The following ZNF804A variants were observed in gnomAD, a reference collection of about 807,000 sequenced individuals.
ZNF804A encodes the protein zinc finger protein 804A.
A neutral mutation model predicts 16.5 loss-of-function variants in ZNF804A; 2 were observed. The observed-to-expected ratio is 0.12, with a 90% CI of 0.05 to 0.38. ZNF804A has a LOEUF of 0.38. ZNF804A is among the 10% of genes least tolerant of loss of function. The pLI is 0.99. For synonymous variants in ZNF804A, 534 were observed against 489.6 expected, an observed-to-expected ratio of 1.09 and a Z score of -1.20; for missense variants, 1,473 against 1,390.7, an observed-to-expected ratio of 1.06 and a Z score of -0.94.
At chr2:184,745,483 A>T (rs1674690145) in intron 1 of ZNF804A, among the ~76,000 whole-genome samples, 1 of 151,618 alleles carries the variant, frequency 6.6e-6, no homozygotes, top group African/African-American at 2.4e-5. Flanking sequence ...CGTTTTACTG[A>T]TGCGGTTTTT....
At chr2:184,635,009 A>G (rs1412017487) in intron 1 of ZNF804A, among the ~76,000 whole-genome samples, 1 of 152,162 alleles carries the variant, frequency 6.6e-6, no homozygotes, top group African/African-American at 2.4e-5. Context: ...CAGAGATTGT[A>G]TCTTTCCTTG....
In ZNF804A at chr2:184,936,597, C is replaced by T; in HGVS notation, c.1201C>T (p.Pro401Ser). Residue 401 changes from proline to serine, a missense_variant, in exon 4 of 4, where the codon CCT (proline) becomes TCT (serine). By Grantham distance (74) the Pro-to-Ser change is moderately conservative (BLOSUM62 -1). Transcript: ENST00000302277. ...ENKNGPETLAPSNTEEVNITI... is the reference protein window; with the variant it reads ...ENKNGPETLASSNTEEVNITI... Reference sequence around the variant, plus strand: ...TAAAAATGGTCCCGAGACATTGGCCCCTTCAAATACTGAAGAGGTTAACAT... The same window carrying T: ...TAAAAATGGTCCCGAGACATTGGCCTCTTCAAATACTGAAGAGGTTAACAT... The T allele has an allele frequency of 6.2e-7, 1 of 1,613,966 alleles. No homozygotes were observed. Among genetic ancestry groups the T allele is most frequent in the Non-Finnish European group, 8.5e-7 (1 of 1,179,914 alleles).
At chr2:184,774,857 A>G (rs1694263661) in intron 1 of ZNF804A, among the ~76,000 whole-genome samples, 1 of 151,674 alleles carries the variant, frequency 6.6e-6, no homozygotes, top group Non-Finnish European at 1.5e-5. Flanking sequence ...CTGGACATCA[A>G]TAATATTATT....
At chr2:184,676,022 T>C (rs1692423555) in intron 1 of ZNF804A, among the ~76,000 whole-genome samples, 1 of 151,766 alleles carries the variant, frequency 6.6e-6, no homozygotes. Context: ...AATATGTATA[T>C]TTATGACTTC....
intron 1 of ZNF804A, among the ~76,000 whole-genome samples, chr2:184,651,716 A>T (rs770082462): frequency 2.6e-5 from 4 of 152,146 alleles, no homozygotes; most frequent in Admixed American, 6.5e-5. Context: ...TCATCAGAAA[A>T]ATGCAAATCA....
intron 1 of ZNF804A, among the ~76,000 whole-genome samples, chr2:184,662,044 A>C (rs1453860916): frequency 6.6e-6 from 1 of 152,214 alleles, no homozygotes; most frequent in Non-Finnish European, 1.5e-5. Flanking sequence ...CTTTCAGTTT[A>C]ACGACAATTC....
At chr2:184,791,507 G>A (rs754892598) in intron 1 of ZNF804A, among the ~76,000 whole-genome samples, 2 of 151,922 alleles carry the variant, frequency 1.3e-5, no homozygotes, top group Non-Finnish European at 2.9e-5. Context: ...CCCTCGATTT[G>A]TTTTTTATTT....
At chr2:184,873,819 G>A (rs1429119249) in intron 2 of ZNF804A, among the ~76,000 whole-genome samples, 2 of 152,086 alleles carry the variant, frequency 1.3e-5, no homozygotes, top group African/African-American at 4.8e-5. Flanking sequence ...TTTAAAAAAT[G>A]TTGATAATAT....
At chr2:184,737,119 C>T (rs1298041306) in intron 1 of ZNF804A, among the ~76,000 whole-genome samples, 3 of 151,048 alleles carry the variant, frequency 2.0e-5, no homozygotes, top group South Asian at 2.1e-4. Flanking sequence ...TGTAGTGGCG[C>T]GATCTCGGCT....
chr2:184,673,115 G>T (rs1241946240), intron 1 of ZNF804A, among the ~76,000 whole-genome samples: 1 of 151,964 alleles, frequency 6.6e-6, no homozygotes, highest in Non-Finnish European at 1.5e-5. Flanking sequence ...AATAAAAGAA[G>T]GAGGAAGGGA....
intron 1 of ZNF804A, among the ~76,000 whole-genome samples, chr2:184,715,102 T>C (rs1264839975): frequency 3.9e-5 from 6 of 152,148 alleles, no homozygotes; most frequent in Non-Finnish European, 7.4e-5. Flanking sequence ...GGACACTTTT[T>C]CACAAAATTG....
chr2:184,664,717 T>C (rs912537759), intron 1 of ZNF804A, among the ~76,000 whole-genome samples: 4 of 152,212 alleles, frequency 2.6e-5, no homozygotes, highest in African/African-American at 9.6e-5. Flanking sequence ...AATGCTATCA[T>C]GTTTACATTA....
chr2:184,649,689 T>C (rs182177606), intron 1 of ZNF804A, among the ~76,000 whole-genome samples: 341 of 152,026 alleles, frequency 2.2e-3, no homozygotes, highest in African/African-American at 7.9e-3. Context: ...TAAATTCTTC[T>C]AGAATTTCCT....
intron 1 of ZNF804A, among the ~76,000 whole-genome samples, chr2:184,733,312 T>C (rs1574185918): frequency 1.3e-5 from 2 of 152,192 alleles, no homozygotes; most frequent in South Asian, 2.1e-4. Flanking sequence ...TGTAACCTGT[T>C]GATGTAATAG....
intron 1 of ZNF804A, among the ~76,000 whole-genome samples, chr2:184,799,706 T>A (rs6731662): frequency 0.076 from 11,546 of 152,060 alleles, 1,442 homozygotes; most frequent in African/African-American, 0.26. Context: ...TTATTTATTT[T>A]TTTCTTTTTT....
At chr2:184,739,022 A>C (rs568412713) in intron 1 of ZNF804A, among the ~76,000 whole-genome samples, 2 of 152,328 alleles carry the variant, frequency 1.3e-5, no homozygotes, top group Admixed American at 6.5e-5. Context: ...CACGATTCTG[A>C]AATTTGATTG....
chr2:184,672,106 AAATT>A (rs1422893868), intron 1 of ZNF804A, among the ~76,000 whole-genome samples: 2 of 152,206 alleles, frequency 1.3e-5, no homozygotes, highest in African/African-American at 4.8e-5. Context: ...GAAGGAGTGA[AAATT>A]AAACTAGTTC....
chr2:184,685,883 C>T (rs72899975), intron 1 of ZNF804A, among the ~76,000 whole-genome samples: 7,891 of 152,306 alleles, frequency 0.052, 262 homozygotes, highest in Non-Finnish European at 0.077. Flanking sequence ...CCTTAGCGCC[C>T]AGGCTGTTCA....
chr2:184,717,784 C>T (rs1354305848), intron 1 of ZNF804A, among the ~76,000 whole-genome samples: 2 of 152,036 alleles, frequency 1.3e-5, no homozygotes, highest in East Asian at 3.9e-4. Context: ...TTTAGTGTGT[C>T]TATCACTTCA....
Sources: gnomAD v4.1 joint callset for allele counts (sites outside exome capture counted in the v4.1 genomes callset) on GRCh38, gnomAD v4.1.1 for gene constraint, MANE v1.5 for transcripts, NCBI Gene and HGNC (gene_info 2026-07-23, HGNC 2026-07-21) for gene names.